Variants in ZNF586 observed in about 807,000 individuals in gnomAD.
ZNF586 encodes the protein zinc finger protein 586.
A neutral mutation model predicts 6.7 loss-of-function variants in ZNF586; 7 were observed. That is an observed-to-expected ratio of 1.04 (90% CI 0.59 to 1.95). ZNF586 has a LOEUF of 1.95. Ranked by LOEUF, ZNF586 falls within the 30% of genes most tolerant of loss-of-function variation. ZNF586 has a pLI of 0.00. For synonymous variants in ZNF586, 166 were observed against 168.7 expected, an observed-to-expected ratio of 0.98 and a Z score of 0.12; for missense variants, 442 against 489.6, an observed-to-expected ratio of 0.90 and a Z score of 0.92.
intron 1 of ZNF586, 25 bp downstream of exon 1, chr19:57,769,903 T>TTTGC: frequency 6.8e-7 from 1 of 1,475,862 alleles, no homozygotes; most frequent in Non-Finnish European, 9.1e-7. Context: ...CTCCGGGCCT[T>TTTGC]ACCCACCCTA....
At position 57,779,129 on chromosome 19, in the gene ZNF586, T is replaced by C. The variant is rs367785269; in HGVS notation, c.542T>C (p.Ile181Thr). The change falls in exon 3 of 3, where the codon ATT (isoleucine) becomes ACT (threonine). Residue 181 changes from isoleucine (I) to threonine (T), a missense_variant. Physicochemically the swap from Ile to Thr is moderately conservative, Grantham distance 89 (BLOSUM62 -1). Transcript: ENST00000396154. ...LHTRERPYECIECGKAFAEKS... is the reference protein window; with the variant it reads ...LHTRERPYECTECGKAFAEKS... Reference sequence around the variant, plus strand: ...ACTAGAGAAAGGCCTTATGAGTGTATTGAATGTGGGAAAGCCTTTGCTGAA... The same window carrying C: ...ACTAGAGAAAGGCCTTATGAGTGTACTGAATGTGGGAAAGCCTTTGCTGAA... The C allele has an allele frequency of 1.1e-5, 17 of 1,607,478 alleles. No homozygotes were observed. The highest frequency in any genetic ancestry group is 3.3e-5 in the South Asian group (3 of 90,776).
Position 57,779,062 on chromosome 19 carries a change from T to C in ZNF586, c.475T>C (p.Phe159Leu). Residue 159 changes from phenylalanine (F) to leucine (L), a missense_variant, in exon 3 of 3, where the codon TTT (phenylalanine) becomes CTT (leucine). Coordinates refer to ENST00000396154, the MANE Select transcript of ZNF586 (RefSeq NM_017652.4). ...TYECSECGKS[F>L]HQSSSLLQRQ... ...TGAGTGCAGTGAGTGTGGAAAATCA[T>C]TTCACCAAAGCTCTTCACTCTTGCA... 6.2e-7 allele frequency: 1 copy of C among 1,614,086 alleles called. No individual in the cohort carries two copies. The highest frequency in any genetic ancestry group is 8.5e-7 in the Non-Finnish European group (1 of 1,180,016).
rs1987348686 is a variant in ZNF586, at chr19:57,780,030, C to T, written c.*234C>T. On this transcript the variant is annotated 3_prime_UTR_variant, in exon 3 of 3. Coordinates refer to ENST00000396154, the MANE Select transcript of ZNF586 (RefSeq NM_017652.4). ...CCACAATATTTACATGAGGAAAATA[C>T]CACAGATGTGGAGGTAATATTATTT... 1.9e-6 allele frequency: 1 copy of T among 520,746 alleles called. No homozygotes were observed. The highest frequency in any genetic ancestry group is 1.9e-5 in the African/African-American group (1 of 52,612). The allele number at this position is 520,746 out of a possible 1,614,324, so 32.3% of individuals were successfully genotyped here. A position where few individuals can be genotyped will look rare whatever the true frequency, so the allele number is the denominator to read the frequency against.
chr19:57,776,802 G>C lies in ZNF586; in HGVS notation c.163+133G>C, dbSNP rs981188893. The C allele has an allele frequency of 4.7e-6, 5 of 1,068,870 alleles. No homozygotes were observed. The Admixed American group carries it at 1.2e-4, about 26-fold the overall frequency. 66.2% of individuals were successfully genotyped at this position (1,068,870 alleles called of 1,614,324 possible). ...CTCTGGAGAGGTTCTGTTGTTGGTC[G>C]GACTGAGGTGTACGTACTGCCCTGT... is the stretch of plus-strand genomic sequence containing the variant. On this transcript the variant is annotated intron_variant, in intron 2 of 2. Coordinates refer to ENST00000396154, the MANE Select transcript of ZNF586 (RefSeq NM_017652.4).
intron 1 of ZNF586, among the ~76,000 whole-genome samples, chr19:57,776,183 C>T (rs939868970): frequency 1.3e-5 from 2 of 152,030 alleles, no homozygotes; most frequent in African/African-American, 4.8e-5. Flanking sequence ...TCTGTGGTGT[C>T]CAAAGATGGG....
In ZNF586 at chr19:57,776,448, G is replaced by A. The variant is rs1022384574; in HGVS notation, c.37-95G>A. On this transcript the variant is annotated intron_variant, in intron 1 of 2. Transcript: ENST00000396154. ...TCCTCTGAGTTGGGGATCCTGGGAG[G>A]AGGAGGATGGGCAAGGGTAGATATG... is the stretch of plus-strand genomic sequence containing the variant. 1.7e-5 allele frequency: 25 copies of A among 1,455,764 alleles called. 1 individual carries two copies. Among genetic ancestry groups the A allele is most frequent in the Middle Eastern group, 3.9e-4 (2 of 5,182 alleles). The allele number at this position is 1,455,764 out of a possible 1,614,324, so 90.2% of individuals were successfully genotyped here.
Position 57,779,675 on chromosome 19 carries a change from A to C in ZNF586, c.1088A>C (p.His363Pro), listed in dbSNP as rs1178006696. The C allele has an allele frequency of 1.9e-6, 3 of 1,613,872 alleles. No homozygotes were observed. In the East Asian group the frequency reaches 6.7e-5, roughly 36 times the overall value. The change falls in exon 3 of 3, where the codon CAC becomes CCC. Residue 363 changes from histidine to proline, a missense_variant. Coordinates refer to ENST00000396154, the MANE Select transcript of ZNF586 (RefSeq NM_017652.4). ...GCTGAAAACTCCAGCCTTATTAAAC[A>C]CTTGAGAGTTCACACTGGAGAAAGG... ...SFAENSSLIK[H>P]LRVHTGERPY...
At chr19:57,770,279 C>T (rs1017099065) in intron 1 of ZNF586, among the ~76,000 whole-genome samples, 1 of 151,684 alleles carries the variant, frequency 6.6e-6, no homozygotes, top group Non-Finnish European at 1.5e-5. Context: ...GCCTCAGCCT[C>T]CCGAGTAGCT....
intron 1 of ZNF586, among the ~76,000 whole-genome samples, chr19:57,774,295 G>T (rs1664001380): frequency 6.6e-6 from 1 of 151,188 alleles, no homozygotes; most frequent in African/African-American, 2.4e-5. Flanking sequence ...GGCTGAGGTG[G>T]GCGGATCACT....
rs1288090766 is a variant in ZNF586 at position 57,779,744 on chromosome 19, C to T, written c.1157C>T (p.Ser386Phe). ...TGTGGAAAATCATTTCGCCACAGTT[C>T]TTCGTTCCGTCGCCATCAGAGAGTT... ...IDCGKSFRHS[S>F]SFRRHQRVHT... Residue 386 changes from serine to phenylalanine, a missense_variant, in exon 3 of 3, where the codon TCT becomes TTT. Transcript: ENST00000396154. 2.5e-6 allele frequency: 4 copies of T among 1,611,996 alleles called. No individual in the cohort carries two copies. The African/African-American group carries it at 5.3e-5, about 22-fold the overall frequency.
In ZNF586 at chr19:57,769,684, G is replaced by A; in HGVS notation, c.-159G>A. 3 of 769,314 alleles carry A rather than the reference G, an allele frequency of 3.9e-6. No homozygotes were observed. The South Asian group carries it at 4.7e-5, about 12-fold the overall frequency. The allele number at this position is 769,314 out of a possible 1,614,324, so 47.7% of individuals were successfully genotyped here. ...CCGTGGCAGCCATTTTGGCCTGTCA[G>A]GTCCATCCGGCGATGCTGGGTCTGG... On this transcript the variant is annotated 5_prime_UTR_variant, in exon 1 of 3. Coordinates refer to ENST00000396154, the MANE Select transcript of ZNF586 (RefSeq NM_017652.4).
At chr19:57,770,944 C>T (rs1304596520) in intron 1 of ZNF586, among the ~76,000 whole-genome samples, 1 of 152,084 alleles carries the variant, frequency 6.6e-6, no homozygotes, top group Non-Finnish European at 1.5e-5. Context: ...TCGACCTCTC[C>T]GGGCTCAGGA....
intron 1 of ZNF586, among the ~76,000 whole-genome samples, chr19:57,770,914 G>A (rs915759747): frequency 2.0e-5 from 3 of 151,890 alleles, no homozygotes; most frequent in African/African-American, 7.3e-5. Flanking sequence ...GCGGTGACGC[G>A]ATCACGGCGC....
At position 57,779,877 on chromosome 19, in the gene ZNF586, G is replaced by A; in HGVS notation, c.*81G>A. 8.3e-7 allele frequency: 1 copy of A among 1,211,448 alleles called. No individual in the cohort carries two copies. Among genetic ancestry groups the A allele is most frequent in the Non-Finnish European group, 1.2e-6 (1 of 860,970 alleles). The allele number at this position is 1,211,448 out of a possible 1,614,324, so 75.0% of individuals were successfully genotyped here. A position where few individuals can be genotyped will look rare whatever the true frequency, so the allele number is the denominator to read the frequency against. On this transcript the variant is annotated 3_prime_UTR_variant, in exon 3 of 3. Coordinates refer to ENST00000396154, the MANE Select transcript of ZNF586 (RefSeq NM_017652.4). ...TTCACACCAGATCAAGGTGTTATGAGTGTGACAAATGGGGAATATTCTTTA... is the reference window on the plus strand; with the variant it reads ...TTCACACCAGATCAAGGTGTTATGAATGTGACAAATGGGGAATATTCTTTA...
intron 1 of ZNF586, among the ~76,000 whole-genome samples, chr19:57,774,124 G>C (rs1022082017): frequency 6.6e-6 from 1 of 150,662 alleles, no homozygotes; most frequent in Non-Finnish European, 1.5e-5. Flanking sequence ...GCTGAGACAG[G>C]AGAATCGCTT....
Position 57,779,728 on chromosome 19 carries a change from T to C in ZNF586, c.1141T>C (p.Ser381Pro), listed in dbSNP as rs1213184867. ...RPYECIDCGK[S>P]FRHSSSFRRH... ...ATATGAATGCATTGATTGTGGAAAATCATTTCGCCACAGTTCTTCGTTCCG... is the reference window on the plus strand; with the variant it reads ...ATATGAATGCATTGATTGTGGAAAACCATTTCGCCACAGTTCTTCGTTCCG... The change falls in exon 3 of 3, where the codon TCA becomes CCA. Residue 381 changes from serine (S) to proline (P), a missense_variant. Physicochemically the swap from Ser to Pro is moderately conservative, Grantham distance 74 (BLOSUM62 -1). Transcript: ENST00000396154. 3 of 1,613,456 alleles carry C rather than the reference T, an allele frequency of 1.9e-6. No homozygotes were observed. Among genetic ancestry groups the C allele is most frequent in the African/African-American group, 2.7e-5 (2 of 74,902 alleles).
Position 57,769,710 on chromosome 19 carries a change from AC to A in ZNF586, c.-132del. 1.1e-6 allele frequency: 1 copy of A among 942,290 alleles called. No homozygotes were observed. Among genetic ancestry groups the A allele is most frequent in the Non-Finnish European group, 1.6e-6 (1 of 614,852 alleles). 58.4% of individuals were successfully genotyped at this position (942,290 alleles called of 1,614,324 possible). On this transcript the variant is annotated 5_prime_UTR_variant, in exon 1 of 3. It introduces an in-frame stop codon into an upstream open reading frame of the 5' UTR. Coordinates refer to ENST00000396154, the MANE Select transcript of ZNF586 (RefSeq NM_017652.4). ...GTCCATCCGGCGATGCTGGGTCTGG[AC>A]GAGCTCGGGAGGAGTGGTTGTGGCC...
intron 2 of ZNF586, 123 bp downstream of exon 2, chr19:57,776,792 G>A (rs1987249014): frequency 2.4e-6 from 3 of 1,230,692 alleles, no homozygotes; most frequent in Non-Finnish European, 3.3e-6. Flanking sequence ...GAGAGGTTCT[G>A]TTGTTGGTCG....
chr19:57,778,790 A>G lies in ZNF586; in HGVS notation c.203A>G (p.Lys68Arg), dbSNP rs1179014849. The G allele has an allele frequency of 6.2e-7, 1 of 1,612,860 alleles. No individual in the cohort carries two copies. The highest frequency in any genetic ancestry group is 1.7e-5 in the Admixed American group (1 of 59,806). ...GGGGAAGATGAGGCAGCACCTTCTA[A>G]GCAGAGCACGTGTATACATATATAC... ...HGGEDEAAPSKQSTCIHIYKD... is the reference protein window; with the variant it reads ...HGGEDEAAPSRQSTCIHIYKD... Residue 68 changes from lysine (K) to arginine (R), a missense_variant, in exon 3 of 3, where the codon AAG becomes AGG. Lys to Arg is a conservative substitution (Grantham distance 26). Transcript: ENST00000396154.
Sources: allele counts gnomAD v4.1 joint callset (sites outside exome capture counted in the v4.1 genomes callset), GRCh38; gene constraint gnomAD v4.1.1; transcripts MANE v1.5; gene names NCBI Gene and HGNC (gene_info 2026-07-23, HGNC 2026-07-21).